Variants in CDH23 observed in about 807,000 individuals in gnomAD.
CDH23 encodes the protein cadherin-23.
In CDH23, 189 loss-of-function variants were observed where a neutral mutation model predicts 317.1. That is an observed-to-expected ratio of 0.60 (90% confidence interval 0.53 to 0.67). CDH23 has a LOEUF of 0.67. CDH23 is among the 30% of genes least tolerant of loss of function. The pLI is 0.00. For synonymous variants in CDH23, 1,839 were observed against 1,876.8 expected (o/e 0.98, Z 0.52); for missense variants, 4,401 against 4,592.4 (o/e 0.96, Z 1.20).
At chr10:71,679,854 C>T (rs149809717) in intron 17 of CDH23, among the ~76,000 whole-genome samples, 1 of 152,156 alleles carries the variant, frequency 6.6e-6, no homozygotes, top group Admixed American at 6.5e-5. Context: ...ACTTTTTGGG[C>T]GGCCGTGTGG....
intron 14 of CDH23, among the ~76,000 whole-genome samples, chr10:71,650,129 G>A (rs184661183): frequency 2.2e-4 from 33 of 152,356 alleles, no homozygotes; most frequent in Middle Eastern, 6.8e-3. Context: ...TCCAGGTGGT[G>A]TGTTCTTAGG....
chr10:71,595,416 G>C (rs547156324), intron 9 of CDH23, among the ~76,000 whole-genome samples: 70 of 152,192 alleles, frequency 4.6e-4, no homozygotes, highest in Middle Eastern at 3.4e-3. Context: ...CTACTTAACT[G>C]ACAGTAGCAG....
rs558747407 is a variant in CDH23, at chr10:71,430,174, C to T, written c.-5-9653C>T. The stretch of plus-strand genomic sequence containing the variant: ...CCTGAGCTGGGGTCTGTGGGCTGTT[C>T]CCCTGCTGGTGAGCCAGGGGATAGG... On this transcript the variant is annotated intron_variant, in intron 1 of 69. Transcript: ENST00000224721. Among the ~76,000 whole-genome samples, 274 of 152,134 alleles carry T rather than the reference C, an allele frequency of 1.8e-3. 2 individuals are homozygous for T. The highest frequency in any genetic ancestry group is 6.2e-3 in the African/African-American group (258 of 41,494).
rs781291264 is a variant in CDH23, at chr10:71,642,393, C to CTTTTTTT, written c.1135-1451_1135-1445dup. ...ATTGGCCCAGAAGCTGGCCCGGCCT[C>CTTTTTTT]TTTTTTTTTTTTTTTTTTTTTTTGA... is the stretch of plus-strand genomic sequence containing the variant. On this transcript the variant is annotated intron_variant, in intron 11 of 69. Coordinates refer to ENST00000224721, the MANE Select transcript of CDH23 (RefSeq NM_022124.6). Among the ~76,000 whole-genome samples the CTTTTTTT allele has an allele frequency of 3.4e-4, 29 of 85,426 alleles. 1 individual carries two copies. The highest frequency in any genetic ancestry group is 4.9e-4 in the Non-Finnish European group (23 of 46,626). 56.0% of individuals were successfully genotyped at this position (85,426 alleles called of 152,430 possible).
At chr10:71,422,312 A>G (rs1047863171) in intron 1 of CDH23, among the ~76,000 whole-genome samples, 1 of 152,200 alleles carries the variant, frequency 6.6e-6, no homozygotes, top group Non-Finnish European at 1.5e-5. Context: ...TTGGAGCCAG[A>G]GCTACCTGGG....
intron 15 of CDH23, 49 bp from the exon 16 acceptor site, chr10:71,677,407 T>C: frequency 1.4e-6 from 2 of 1,472,742 alleles, no homozygotes; most frequent in Non-Finnish European, 1.8e-6. Flanking sequence ...TCAACAAGCC[T>C]GTTTTAAACC....
In CDH23 at chr10:71,450,359, G is replaced by A. The variant is rs185870928; in HGVS notation, c.145+3964G>A. ...TGGCTCACTGCAGCCTCCACCTCCC[G>A]GGTTCCAGTGATTCTCCTGCCTCAG... On this transcript the variant is annotated intron_variant, in intron 3 of 69. Coordinates refer to ENST00000224721, the MANE Select transcript of CDH23 (RefSeq NM_022124.6). Among the ~76,000 whole-genome samples, 46 of 151,164 alleles carry A rather than the reference G, an allele frequency of 3.0e-4. No individual in the cohort carries two copies. The East Asian group carries it at 7.8e-3, about 26-fold the overall frequency.
intron 3 of CDH23, among the ~76,000 whole-genome samples, chr10:71,473,120 C>T (rs774901992): frequency 3.9e-5 from 6 of 152,198 alleles, no homozygotes; most frequent in Admixed American, 1.3e-4. Context: ...GAGCTGGTCA[C>T]TTGGCAATAG....
chr10:71,527,153 CCTCT>C (rs371085525), intron 6 of CDH23, among the ~76,000 whole-genome samples: 2 of 152,226 alleles, frequency 1.3e-5, no homozygotes, highest in Non-Finnish European at 2.9e-5. Flanking sequence ...ATGCCAGACA[CCTCT>C]CTCAGTCTTA....
chr10:71,737,250 G>A (rs1177401859), intron 34 of CDH23, among the ~76,000 whole-genome samples: 1 of 152,204 alleles, frequency 6.6e-6, no homozygotes, highest in Admixed American at 6.5e-5. Context: ...CAGGAAGCAG[G>A]AACAGGGAAG....
intron 3 of CDH23, among the ~76,000 whole-genome samples, chr10:71,499,911 G>T (rs1172183200): frequency 3.9e-5 from 6 of 151,948 alleles, no homozygotes; most frequent in Non-Finnish European, 7.4e-5. Flanking sequence ...CAGCTACTCG[G>T]GAGGCTGAGG....
At chr10:71,511,093 G>T in intron 5 of CDH23, 27 bp from the exon 6 acceptor site, 1 of 1,611,540 alleles carries the variant, frequency 6.2e-7, no homozygotes, top group Non-Finnish European at 8.5e-7. Context: ...AGGTGGCGGC[G>T]CTAATTGCCC....
At chr10:71,730,787 G>A (rs1839350673) in intron 31 of CDH23, among the ~76,000 whole-genome samples, 183 bp downstream of exon 31, 1 of 152,246 alleles carries the variant, frequency 6.6e-6, no homozygotes, top group South Asian at 2.1e-4. Context: ...CAGCCTGAGA[G>A]GGTTGGAATC....
rs1589433602 is a variant in CDH23 at position 71,805,931 on chromosome 10, C to T, written c.7998C>T (p.Ile2666=). ...AGNRDWEFFI[I]DPISGLIQTA... is the part of the protein sequence containing the mutation. ...ACCGGGACTGGGAGTTCTTCATCAT[C>T]GACCCAATCAGCGGCCTCATCCAGA... Residue 2666 remains isoleucine (I), a synonymous_variant, in exon 56 of 70, where the codon ATC becomes ATT. Coordinates refer to ENST00000224721, the MANE Select transcript of CDH23 (RefSeq NM_022124.6). 2 of 1,613,536 alleles carry T rather than the reference C, an allele frequency of 1.2e-6. 1 individual carries two copies. Among genetic ancestry groups the T allele is most frequent in the South Asian group, 2.2e-5 (2 of 90,948 alleles).
intron 48 of CDH23, 139 bp downstream of exon 48, chr10:71,793,779 A>G: frequency 1.5e-6 from 1 of 664,932 alleles, no homozygotes; most frequent in Non-Finnish European, 2.5e-6. Flanking sequence ...TCTGGAGGGA[A>G]ACCAGAACCG....
chr10:71,765,478 G>A (rs1052010460), intron 38 of CDH23, among the ~76,000 whole-genome samples: 3 of 152,194 alleles, frequency 2.0e-5, no homozygotes, highest in African/African-American at 7.2e-5. Flanking sequence ...TGGGGCTAGC[G>A]TGGTTGTTGG....
chr10:71,709,613 A>T (rs957408861), intron 27 of CDH23, among the ~76,000 whole-genome samples: 31 of 152,154 alleles, frequency 2.0e-4, no homozygotes, highest in African/African-American at 7.5e-4. Context: ...TCAGTTGAAA[A>T]TTTTAAAATA....
intron 29 of CDH23, 71 bp from the exon 30 acceptor site, chr10:71,725,301 C>T (rs1015021402): frequency 6.2e-7 from 1 of 1,607,002 alleles, no homozygotes; most frequent in South Asian, 1.1e-5. Flanking sequence ...TGCCCCCAAC[C>T]ATGGCAGGCC....
intron 2 of CDH23, among the ~76,000 whole-genome samples, chr10:71,442,058 A>T (rs1849912962): frequency 6.6e-6 from 1 of 152,256 alleles, no homozygotes; most frequent in African/African-American, 2.4e-5. Context: ...CACTTAGAAT[A>T]GTGCCTGGCA....
Sources: gnomAD v4.1 joint callset for allele counts (sites outside exome capture counted in the v4.1 genomes callset) on GRCh38, gnomAD v4.1.1 for gene constraint, MANE v1.5 for transcripts, NCBI Gene and HGNC (gene_info 2026-07-23, HGNC 2026-07-21) for gene names.